Variants in CDH13 observed in about 807,000 individuals in gnomAD.
The protein encoded by CDH13 is cadherin-13.
CDH13 carries 24 observed loss-of-function variants against 63.8 expected under a neutral mutation model. That is an observed-to-expected ratio of 0.38 (90% CI 0.27 to 0.53). The LOEUF is 0.53. CDH13 is among the 20% of genes least tolerant of loss of function. CDH13 has a pLI of 0.85. For missense variants in CDH13, 1,049 were observed against 903.1 expected (o/e 1.16, Z -2.07); for synonymous variants, 503 against 355.3 (o/e 1.42, Z -4.67).
intron 13 of CDH13, among the ~76,000 whole-genome samples, chr16:83,785,927 T>G (rs1024126076): frequency 6.6e-6 from 1 of 152,258 alleles, no homozygotes; most frequent in Admixed American, 6.5e-5. Context: ...CCTCCAATCT[T>G]GTCCCCACCC....
intron 6 of CDH13, among the ~76,000 whole-genome samples, chr16:83,379,938 T>TATATATATATATAG: frequency 4.1e-5 from 5 of 123,440 alleles, no homozygotes; most frequent in Admixed American, 8.3e-5. Context: ...TATATATATA[T>TATATATATATATAG]AGAGAGAGAG....
intron 8 of CDH13, among the ~76,000 whole-genome samples, chr16:83,631,201 G>A (rs1049498685): frequency 8.5e-5 from 13 of 152,200 alleles, no homozygotes; most frequent in Admixed American, 1.3e-4. Flanking sequence ...AGGTTATCTG[G>A]CAGAATTCTG....
intron 10 of CDH13, among the ~76,000 whole-genome samples, chr16:83,735,012 A>C (rs1239978287): frequency 6.6e-6 from 1 of 151,620 alleles, no homozygotes; most frequent in East Asian, 1.9e-4. Context: ...AAAAAAAAAA[A>C]ACATAAGCGT....
chr16:83,126,342 C>T (rs1215025097), intron 4 of CDH13, among the ~76,000 whole-genome samples: 1 of 152,132 alleles, frequency 6.6e-6, no homozygotes, highest in Non-Finnish European at 1.5e-5. Flanking sequence ...TTGGATTGCA[C>T]AATCTAAGCT....
chr16:83,216,451 C>A (rs1213399276), intron 4 of CDH13, among the ~76,000 whole-genome samples: 6 of 26,584 alleles, frequency 2.3e-4, no homozygotes, highest in Admixed American at 5.6e-4. Context: ...TATACACAAC[C>A]CTAATTTGAG....
At chr16:83,691,075 TG>T (rs1904819943) in intron 10 of CDH13, among the ~76,000 whole-genome samples, 1 of 1,096 alleles carries the variant, frequency 9.1e-4, no homozygotes, top group Non-Finnish European at 9.1e-3. Context: ...CTGTGCCGTG[TG>T]TGTGTGTGTG....
At chr16:82,917,999 T>C (rs2042044792) in intron 2 of CDH13, among the ~76,000 whole-genome samples, 1 of 151,148 alleles carries the variant, frequency 6.6e-6, no homozygotes, top group South Asian at 2.1e-4. Flanking sequence ...GTGTATGGGA[T>C]CCTAAAGCTT....
At position 83,271,430 on chromosome 16, in the gene CDH13, A is replaced by T. The variant is rs994684836; in HGVS notation, c.636+53933A>T. Among the ~76,000 whole-genome samples the T allele has an allele frequency of 2.6e-3, 330 of 126,164 alleles. 13 individuals carry two copies. The highest frequency in any genetic ancestry group is 4.1e-3 in the Non-Finnish European group (252 of 61,160). The allele number at this position is 126,164 out of a possible 152,430, so 82.8% of individuals were successfully genotyped here. On this transcript the variant is annotated intron_variant, in intron 5 of 13. Coordinates refer to ENST00000567109, the MANE Select transcript of CDH13 (RefSeq NM_001257.5). ...CATTGAGGCAGAGTTCATAAAAAAA[A>T]AAAAAAAAAAAAAAAAAAAAAATTC...
At chr16:83,545,120 C>T (rs1313947455) in intron 7 of CDH13, among the ~76,000 whole-genome samples, 4 of 152,132 alleles carry the variant, frequency 2.6e-5, no homozygotes, top group Admixed American at 2.6e-4. Flanking sequence ...ATGTTCTTTA[C>T]CCAACCAGGA....
Position 83,576,015 on chromosome 16 carries a change from A to C in CDH13, c.961-26439A>C, listed in dbSNP as rs533227795. On this transcript the variant is annotated intron_variant, in intron 7 of 13. Transcript: ENST00000567109. The stretch of plus-strand genomic sequence containing the variant: ...ACGTTAATTGATGTAAAATTCACAT[A>C]ACATGAAACTAACCATGTTAAAGTG... Among the ~76,000 whole-genome samples the C allele has an allele frequency of 1.2e-4, 19 of 152,372 alleles. 1 individual carries two copies. In the South Asian group the frequency reaches 2.7e-3, roughly 22 times the overall value.
At chr16:83,087,611 C>T (rs72796281) in intron 3 of CDH13, among the ~76,000 whole-genome samples, 8,358 of 135,408 alleles carry the variant, frequency 0.062, 297 homozygotes, top group Non-Finnish European at 0.074. Context: ...GAGGTCACAG[C>T]GAGCCAAAAC....
At chr16:83,760,828 C>T (rs935063246) in intron 11 of CDH13, among the ~76,000 whole-genome samples, 1 of 152,204 alleles carries the variant, frequency 6.6e-6, no homozygotes, top group African/African-American at 2.4e-5. Flanking sequence ...AGTCCTGTAA[C>T]CATTCACATA....
At chr16:83,787,192 C>T (rs904149723) in intron 13 of CDH13, among the ~76,000 whole-genome samples, 13 of 152,360 alleles carry the variant, frequency 8.5e-5, no homozygotes, top group African/African-American at 2.9e-4. Context: ...ACCTGTGTTA[C>T]ATTCACAAGG....
chr16:82,649,572 A>G (rs1028572254), intron 1 of CDH13, among the ~76,000 whole-genome samples: 1 of 152,184 alleles, frequency 6.6e-6, no homozygotes, highest in Admixed American at 6.5e-5. Flanking sequence ...CTGAAGGGCC[A>G]GGACATGTTG....
intron 2 of CDH13, among the ~76,000 whole-genome samples, chr16:82,961,987 A>G (rs1208551640): frequency 6.6e-6 from 1 of 152,178 alleles, no homozygotes; most frequent in South Asian, 2.1e-4. Flanking sequence ...GCCATGGGAA[A>G]CACCAGTTAC....
intron 8 of CDH13, among the ~76,000 whole-genome samples, chr16:83,649,940 T>C (rs1331448876): frequency 6.6e-6 from 1 of 152,134 alleles, no homozygotes; most frequent in African/African-American, 2.4e-5. Context: ...GAGGGGAAAA[T>C]GGATGACATG....
At chr16:82,696,013 G>A (rs555274021) in intron 1 of CDH13, among the ~76,000 whole-genome samples, 17 of 152,114 alleles carry the variant, frequency 1.1e-4, no homozygotes, top group Non-Finnish European at 2.4e-4. Flanking sequence ...ATGTTTCTCT[G>A]ACAGTTACTT....
chr16:83,676,182 T>A (rs1346956580), intron 9 of CDH13, among the ~76,000 whole-genome samples: 1 of 152,178 alleles, frequency 6.6e-6, no homozygotes, highest in Non-Finnish European at 1.5e-5. Flanking sequence ...TTTCCAAGCA[T>A]TTTGACTGTC....
chr16:83,427,120 G>T (rs1597994225), intron 6 of CDH13, among the ~76,000 whole-genome samples: 1 of 151,594 alleles, frequency 6.6e-6, no homozygotes, highest in East Asian at 2.0e-4. Flanking sequence ...TAGAGACGGG[G>T]TTTCACCGTG....
Sources: allele counts gnomAD v4.1 joint callset (sites outside exome capture counted in the v4.1 genomes callset), GRCh38; gene constraint gnomAD v4.1.1; transcripts MANE v1.5; gene names NCBI Gene and HGNC (gene_info 2026-07-23, HGNC 2026-07-21).